Variants in PPTC7 observed in about 807,000 individuals in gnomAD.
PPTC7 encodes protein phosphatase targeting COQ7.
In PPTC7, 6 loss-of-function variants were observed where a neutral mutation model predicts 30.8. That is an observed-to-expected ratio of 0.19 (90% CI 0.11 to 0.38). PPTC7 has a LOEUF of 0.38. Ranked by LOEUF, PPTC7 falls within the 10% of genes least tolerant of loss-of-function variation. The pLI, the probability that PPTC7 is intolerant of heterozygous loss-of-function variation, is 1.00. For synonymous variants in PPTC7, 163 were observed against 168.1 expected, an observed-to-expected ratio of 0.97 and a Z score of 0.23; for missense variants, 218 against 404.8, an observed-to-expected ratio of 0.54 and a Z score of 3.96.
chr12:110,571,707 T>C (rs2064538592), intron 1 of PPTC7, among the ~76,000 whole-genome samples: 2 of 152,218 alleles, frequency 1.3e-5, no homozygotes, highest in Non-Finnish European at 1.5e-5. Flanking sequence ...TAGGGTTTCA[T>C]ACTAAAGAGC....
chr12:110,581,079 G>C (rs2064633147), intron 1 of PPTC7, among the ~76,000 whole-genome samples: 1 of 152,050 alleles, frequency 6.6e-6, no homozygotes, highest in Non-Finnish European at 1.5e-5. Flanking sequence ...GTGAACCTTA[G>C]AGGCTCATTA....
chr12:110,538,930 C>T (rs980134650), intron 4 of PPTC7, among the ~76,000 whole-genome samples: 1 of 152,188 alleles, frequency 6.6e-6, no homozygotes, highest in African/African-American at 2.4e-5. Flanking sequence ...TCTTATTTAG[C>T]ACCCACATTA....
rs575657267 is a variant in PPTC7, at chr12:110,577,285, A to T, written c.223+5524T>A. Among the ~76,000 whole-genome samples the T allele has an allele frequency of 1.6e-3, 240 of 152,026 alleles. 2 individuals are homozygous for T. The highest frequency in any genetic ancestry group is 1.1e-3 in the Non-Finnish European group (72 of 67,982). On this transcript the variant is annotated intron_variant, in intron 1 of 5. Coordinates refer to ENST00000354300, the MANE Select transcript of PPTC7 (RefSeq NM_139283.2). ...GTCCTGCACATGTATCCTGGAATTT[A>T]AAAAAAGTAAAATTAAAAAAAAAAA...
In PPTC7 at chr12:110,534,080, A is replaced by G. The variant is rs2135754650; in HGVS notation, c.*2957T>C. On this transcript the variant is annotated 3_prime_UTR_variant, in exon 6 of 6. Transcript: ENST00000354300. ...GTTCCCCCTGCATCCCATTTCTTTT[A>G]GTTTTTAGAGCCTATGGACTCTACT... The G allele has an allele frequency of 6.6e-6, 1 of 151,630 alleles. No individual in the cohort carries two copies. The highest frequency in any genetic ancestry group is 3.4e-3 in the Middle Eastern group (1 of 292). 9.4% of individuals were successfully genotyped at this position (151,630 alleles called of 1,614,324 possible). A position where few individuals can be genotyped will look rare whatever the true frequency, so the allele number is the denominator to read the frequency against.
intron 1 of PPTC7, among the ~76,000 whole-genome samples, chr12:110,567,112 C>T (rs1023316507): frequency 6.6e-6 from 1 of 152,140 alleles, no homozygotes; most frequent in African/African-American, 2.4e-5. Context: ...GCGATCTTCC[C>T]TTCTCTTTTC....
chr12:110,548,627 T>C (rs573743900), intron 2 of PPTC7, among the ~76,000 whole-genome samples: 1 of 152,334 alleles, frequency 6.6e-6, no homozygotes, highest in South Asian at 2.1e-4. Context: ...CATGGGATTA[T>C]ATTCTGAGAA....
chr12:110,577,166 CAA>C (rs34958891), intron 1 of PPTC7, among the ~76,000 whole-genome samples: 6 of 81,184 alleles, frequency 7.4e-5, no homozygotes, highest in Non-Finnish European at 9.2e-5. Flanking sequence ...GACTCTGTCT[CAA>C]AAAAAAAAAA....
At chr12:110,561,151 T>C (rs1171782143) in intron 1 of PPTC7, among the ~76,000 whole-genome samples, 2 of 152,224 alleles carry the variant, frequency 1.3e-5, no homozygotes, top group Non-Finnish European at 2.9e-5. Context: ...TCTTTTCAGA[T>C]GCTGAGGCTT....
At position 110,568,971 on chromosome 12, in the gene PPTC7, C is replaced by A. The variant is rs571119072; in HGVS notation, c.223+13838G>T. 8.0e-4 allele frequency among the ~76,000 whole-genome samples: 122 copies of A among 152,268 alleles called. 1 individual carries two copies. The Middle Eastern group carries it at 0.017, about 21-fold the overall frequency. On this transcript the variant is annotated intron_variant, in intron 1 of 5. Coordinates refer to ENST00000354300, the MANE Select transcript of PPTC7 (RefSeq NM_139283.2). ...TCGAGGCTGCAGTGCACTACAACTA[C>A]ACCTGTGTAGAGAATAGCTACTGCA...
At chr12:110,565,429 T>C (rs189600602) in intron 1 of PPTC7, among the ~76,000 whole-genome samples, 106 of 151,120 alleles carry the variant, frequency 7.0e-4, no homozygotes, top group South Asian at 1.3e-3. Flanking sequence ...ATAAGTTTTG[T>C]ATTTTTAGTA....
At position 110,552,840 on chromosome 12, in the gene PPTC7, G is replaced by A. The variant is rs141982363; in HGVS notation, c.224-872C>T. 6.9e-3 allele frequency among the ~76,000 whole-genome samples: 1,043 copies of A among 152,216 alleles called. 1 individual carries two copies. The highest frequency in any genetic ancestry group is 9.4e-3 in the Non-Finnish European group (636 of 68,010). On this transcript the variant is annotated intron_variant, in intron 1 of 5. Transcript: ENST00000354300. ...GATCGTGCCACTTCACTCCAGCCTGGGCAATGGGGCGAGACTCCGTCTCAA... is the reference window on the plus strand; with the variant it reads ...GATCGTGCCACTTCACTCCAGCCTGAGCAATGGGGCGAGACTCCGTCTCAA...
chr12:110,558,534 C>G (rs2064408303), intron 1 of PPTC7, among the ~76,000 whole-genome samples: 1 of 152,248 alleles, frequency 6.6e-6, no homozygotes, highest in Non-Finnish European at 1.5e-5. Context: ...ATTAAAATCA[C>G]TATTAGATTA....
intron 1 of PPTC7, among the ~76,000 whole-genome samples, chr12:110,571,046 C>T (rs974211908): frequency 3.3e-5 from 5 of 152,242 alleles, no homozygotes; most frequent in Admixed American, 6.5e-5. Flanking sequence ...GGTGAAGGTA[C>T]GCTCGAGCGT....
intron 1 of PPTC7, among the ~76,000 whole-genome samples, chr12:110,566,506 C>T (rs1224294663): frequency 2.0e-5 from 3 of 152,278 alleles, no homozygotes; most frequent in East Asian, 1.9e-4. Flanking sequence ...GTCGTATCCT[C>T]GATTTCACAG....
intron 1 of PPTC7, among the ~76,000 whole-genome samples, chr12:110,557,718 C>T (rs761495166): frequency 6.6e-6 from 1 of 152,118 alleles, no homozygotes; most frequent in Non-Finnish European, 1.5e-5. Context: ...GTATATTAGT[C>T]CATTCTCATG....
At position 110,533,409 on chromosome 12, in the gene PPTC7, GT is replaced by G; in HGVS notation, c.*3627del. Reference sequence around the variant, plus strand: ...TCAACAGAAAAAAAGCAGCTCATTAGTATACACACAGATTCTAATTTGCTTC... The same window carrying G: ...TCAACAGAAAAAAAGCAGCTCATTAGATACACACAGATTCTAATTTGCTTC... On this transcript the variant is annotated 3_prime_UTR_variant, in exon 6 of 6. Coordinates refer to ENST00000354300, the MANE Select transcript of PPTC7 (RefSeq NM_139283.2). The G allele has an allele frequency of 6.6e-6, 1 of 152,114 alleles. No individual in the cohort carries two copies. Among genetic ancestry groups the G allele is most frequent in the African/African-American group, 2.4e-5 (1 of 41,406 alleles). The allele number at this position is 152,114 out of a possible 1,614,324, so 9.4% of individuals were successfully genotyped here.
intron 1 of PPTC7, among the ~76,000 whole-genome samples, chr12:110,553,552 G>A (rs375501726): frequency 6.6e-6 from 1 of 152,122 alleles, no homozygotes; most frequent in East Asian, 2.0e-4. Flanking sequence ...GCCAAGGTGG[G>A]AGAATCACTT....
chr12:110,570,680 T>A (rs1251884879), intron 1 of PPTC7, among the ~76,000 whole-genome samples: 9 of 122,738 alleles, frequency 7.3e-5, no homozygotes, highest in Admixed American at 2.7e-4. Flanking sequence ...GATGTTTATG[T>A]GTATGCATAT....
intron 1 of PPTC7, 52 bp from the exon 2 acceptor site, chr12:110,552,020 G>A (rs766558643): frequency 1.6e-5 from 23 of 1,472,996 alleles, no homozygotes; most frequent in Middle Eastern, 1.8e-4. Flanking sequence ...CAACTTCTCA[G>A]GAATTCTTAC....
Sources: gnomAD v4.1 joint callset for allele counts (sites outside exome capture counted in the v4.1 genomes callset) on GRCh38, gnomAD v4.1.1 for gene constraint, MANE v1.5 for transcripts, NCBI Gene and HGNC (gene_info 2026-07-23, HGNC 2026-07-21) for gene names.